The following PPM1K variants were observed in gnomAD, a reference collection of about 807,000 sequenced individuals.
PPM1K encodes the protein protein phosphatase Mn(2+)-dependent 1K.
In PPM1K, 19 loss-of-function variants were observed where a neutral mutation model predicts 32.6. The ratio of observed to expected loss-of-function variants is 0.58; its 90% CI spans 0.41 to 0.86. The LOEUF is 0.86. Ranked by LOEUF, PPM1K falls within the 40% of genes least tolerant of loss-of-function variation. PPM1K has a pLI of 0.00. For synonymous variants in PPM1K, 159 were observed against 165.3 expected (o/e 0.96, Z 0.29); for missense variants, 362 against 461.2 (o/e 0.78, Z 1.97).
rs1242186165 is a variant in PPM1K, at chr4:88,278,207, T to C, written c.377A>G (p.Tyr126Cys). ...TGCTGCAGGTCCACCGTGTCCATCA[T>C]ACACTGCAAAGTACAGGACCTCATC... ...LTDEVLYFAVYDGHGGPAAAD... is the reference protein window; with the variant it reads ...LTDEVLYFAVCDGHGGPAAAD... Residue 126 changes from tyrosine (Y) to cysteine (C), a missense_variant, in exon 2 of 7, where the codon TAT becomes TGT. By Grantham distance (194) the Tyr-to-Cys change is radical. Coordinates refer to ENST00000608933, the MANE Select transcript of PPM1K (RefSeq NM_152542.5). The surrounding 1 kb of genome is among the most constrained non-coding windows in gnomAD (Gnocchi z 4.2). 6.2e-7 allele frequency: 1 copy of C among 1,614,204 alleles called. No individual in the cohort carries two copies. Among genetic ancestry groups the C allele is most frequent in the Non-Finnish European group, 8.5e-7 (1 of 1,180,028 alleles).
At chr4:88,282,414 A>G (rs1732050367) in intron 1 of PPM1K, among the ~76,000 whole-genome samples, 3 of 152,222 alleles carry the variant, frequency 2.0e-5, no homozygotes, top group Non-Finnish European at 4.4e-5. Flanking sequence ...CTATCTGCCC[A>G]TTATGAAGTG....
In PPM1K at chr4:88,259,880, G is replaced by A. The variant is rs533068412; in HGVS notation, c.*2715C>T. The stretch of plus-strand genomic sequence containing the variant: ...TGCACTTCAGCCTGGACAACAAAGT[G>A]AGACTCTGTAACTATAAAAAACAAA... On this transcript the variant is annotated 3_prime_UTR_variant, in exon 7 of 7. Transcript: ENST00000608933. 5.3e-5 allele frequency: 8 copies of A among 152,334 alleles called. No individual in the cohort carries two copies. Among genetic ancestry groups the A allele is most frequent in the East Asian group, 1.9e-4 (1 of 5,186 alleles). The allele number at this position is 152,334 out of a possible 1,614,324, so 9.4% of individuals were successfully genotyped here. A position where few individuals can be genotyped will look rare whatever the true frequency, so the allele number is the denominator to read the frequency against.
Position 88,265,251 on chromosome 4 carries a change from G to A in PPM1K, c.853-116C>T, listed in dbSNP as rs570062722. Reference sequence around the variant, plus strand: ...CGGTCATCTGTGTAACAGCTTGTAAGCTGATATGGTTTGGCTGTGTCCCCA... The same window carrying A: ...CGGTCATCTGTGTAACAGCTTGTAAACTGATATGGTTTGGCTGTGTCCCCA... On this transcript the variant is annotated intron_variant, in intron 5 of 6. Coordinates refer to ENST00000608933, the MANE Select transcript of PPM1K (RefSeq NM_152542.5). 5.2e-5 allele frequency: 63 copies of A among 1,207,410 alleles called. No individual in the cohort carries two copies. In the South Asian group the frequency reaches 8.4e-4, roughly 16 times the overall value. 74.8% of individuals were successfully genotyped at this position (1,207,410 alleles called of 1,614,324 possible). A position where few individuals can be genotyped will look rare whatever the true frequency, so the allele number is the denominator to read the frequency against.
At chr4:88,268,059 T>TA in intron 5 of PPM1K, 131 bp downstream of exon 5, 1 of 963,256 alleles carries the variant, frequency 1.0e-6, no homozygotes, top group Non-Finnish European at 1.6e-6. Flanking sequence ...AAAGTTTTTT[T>TA]ATCCTTCCAT....
chr4:88,268,077 TCC>T, intron 5 of PPM1K, 111 bp downstream of exon 5: 1 of 1,125,306 alleles, frequency 8.9e-7, no homozygotes, highest in Non-Finnish European at 1.3e-6. Flanking sequence ...CATAAATTAC[TCC>T]CTTTTAAAAA....
intron 6 of PPM1K, 74 bp downstream of exon 6, chr4:88,264,927 A>G: frequency 6.8e-7 from 1 of 1,472,504 alleles, no homozygotes; most frequent in Admixed American, 2.2e-5. Flanking sequence ...AACACTCAAA[A>G]GCTAAAACAC....
In PPM1K at chr4:88,262,674, C is replaced by T. The variant is rs766214970; in HGVS notation, c.1040G>A (p.Gly347Asp). ...DNSTAVVVPF[G>D]AWGKYKNSEI... ...AGAGTTCTTATATTTTCCCCAGGCA[C>T]CAAAAGGCACTACTACTGCAGTACT... The change falls in exon 7 of 7, where the codon GGT (glycine) becomes GAT (aspartate). Residue 347 changes from glycine (G) to aspartate (D), a missense_variant. Transcript: ENST00000608933. 6.2e-7 allele frequency: 1 copy of T among 1,614,108 alleles called. No homozygotes were observed. Among genetic ancestry groups the T allele is most frequent in the Non-Finnish European group, 8.5e-7 (1 of 1,180,020 alleles).
chr4:88,280,723 C>A (rs1315292586), intron 1 of PPM1K, among the ~76,000 whole-genome samples: 2 of 152,132 alleles, frequency 1.3e-5, no homozygotes, highest in Non-Finnish European at 2.9e-5. Flanking sequence ...CATGGTGAAA[C>A]CCTGTCTCTA....
At chr4:88,268,069 T>A (rs1310693951) in intron 5 of PPM1K, 121 bp downstream of exon 5, 1 of 1,078,320 alleles carries the variant, frequency 9.3e-7, no homozygotes, top group East Asian at 2.4e-5. Flanking sequence ...TATCCTTCCA[T>A]AAATTACTCC....
At chr4:88,270,194 T>C (rs7682161) in intron 3 of PPM1K, among the ~76,000 whole-genome samples, 13,963 of 152,230 alleles carry the variant, frequency 0.092, 1,042 homozygotes, top group African/African-American at 0.21. Context: ...CAGTAATGCA[T>C]TGGAAGGAGA....
At chr4:88,275,095 T>TAAG in intron 3 of PPM1K, 1 of 691,070 alleles carries the variant, frequency 1.4e-6, no homozygotes, top group Non-Finnish European at 1.8e-6. Context: ...CATTTTAAAA[T>TAAG]ATCTTAAGAA....
At position 88,268,926 on chromosome 4, in the gene PPM1K, A is replaced by C; in HGVS notation, c.542-20T>G. The stretch of plus-strand genomic sequence containing the variant: ...GAGTTGCTACAAGTATTATGAAAAA[A>C]AGAGTACAAGTTAGTGACAGTCAAA... On this transcript the variant is annotated intron_variant, in intron 3 of 6. Transcript: ENST00000608933. 1 of 1,585,668 alleles carries C rather than the reference A, an allele frequency of 6.3e-7. No individual in the cohort carries two copies. The highest frequency in any genetic ancestry group is 1.2e-5 in the South Asian group (1 of 86,456).
intron 3 of PPM1K, among the ~76,000 whole-genome samples, chr4:88,269,263 A>T (rs1002749942): frequency 1.3e-5 from 2 of 152,160 alleles, no homozygotes; most frequent in African/African-American, 4.8e-5. Flanking sequence ...ATTAAAATTT[A>T]ATTAGGTTGG....
chr4:88,268,944 CA>C, intron 3 of PPM1K, 38 bp from the exon 4 acceptor site: 1 of 1,525,240 alleles, frequency 6.6e-7, no homozygotes, highest in Non-Finnish European at 8.9e-7. Flanking sequence ...AAGTTAGTGA[CA>C]GTCAAATGAT....
At chr4:88,280,092 T>A (rs1731950015) in intron 1 of PPM1K, among the ~76,000 whole-genome samples, 1 of 152,148 alleles carries the variant, frequency 6.6e-6, no homozygotes, top group Non-Finnish European at 1.5e-5. Context: ...CCAAAGAACA[T>A]CCTTAGGTGT....
chr4:88,272,977 G>A lies in PPM1K; in HGVS notation c.542-4071C>T, dbSNP rs990444404. Among the ~76,000 whole-genome samples the A allele has an allele frequency of 5.9e-5, 9 of 152,164 alleles. No individual in the cohort carries two copies. In the South Asian group the frequency reaches 6.2e-4, roughly 11 times the overall value. ...ATGCACATAAAAGTCTCTTGCCCAC[G>A]CTGAACTCACACATGCCGGGCAGAA... On this transcript the variant is annotated intron_variant, in intron 3 of 6. Transcript: ENST00000608933.
intron 3 of PPM1K, chr4:88,271,274 G>C (rs1036092564): frequency 6.9e-5 from 17 of 247,464 alleles, no homozygotes; most frequent in Non-Finnish European, 2.5e-5. Flanking sequence ...ACACAGGGGA[G>C]AGCAGAGAAA....
At chr4:88,264,164 A>G (rs1012183653) in intron 6 of PPM1K, among the ~76,000 whole-genome samples, 6 of 152,234 alleles carry the variant, frequency 3.9e-5, no homozygotes, top group Non-Finnish European at 8.8e-5. Context: ...GCAGTAACCA[A>G]ATGAATAATT....
intron 1 of PPM1K, among the ~76,000 whole-genome samples, chr4:88,283,461 C>A (rs774161733): frequency 2.0e-5 from 3 of 151,974 alleles, no homozygotes; most frequent in Admixed American, 1.3e-4. Flanking sequence ...CATTCTGAAA[C>A]CGAAGGACAG....
Sources: allele counts gnomAD v4.1 joint callset (sites outside exome capture counted in the v4.1 genomes callset), GRCh38; gene constraint gnomAD v4.1.1; non-coding constraint Gnocchi (gnomAD v3.1); transcripts MANE v1.5; gene names NCBI Gene and HGNC (gene_info 2026-07-23, HGNC 2026-07-21).